The following CSMD1 variants were observed in gnomAD, a reference collection of about 807,000 sequenced individuals.
CSMD1 encodes CUB and sushi domain-containing protein 1.
Under a neutral mutation model 417.5 loss-of-function variants are expected in CSMD1, and 213 were observed. That is an observed-to-expected ratio of 0.51 (90% confidence interval 0.46 to 0.57). The LOEUF is 0.57. Ranked by LOEUF, CSMD1 falls within the 20% of genes least tolerant of loss-of-function variation. CSMD1 has a pLI of 0.00. For synonymous variants in CSMD1, 2,862 were observed against 1,736.8 expected (o/e 1.65, Z -16.11); for missense variants, 6,923 against 4,529.7 (o/e 1.53, Z -15.17).
chr8:3,037,446 G>A (rs959570046), intron 50 of CSMD1, among the ~76,000 whole-genome samples: 16 of 152,120 alleles, frequency 1.1e-4, no homozygotes, highest in Admixed American at 1.0e-3. Flanking sequence ...CTGACCTCGT[G>A]ATCCGCCCGC....
chr8:3,753,820 A>C, intron 6 of CSMD1, 110 bp downstream of exon 6: 2 of 673,132 alleles, frequency 3.0e-6, no homozygotes, highest in Non-Finnish European at 4.9e-6. Flanking sequence ...TAAAAGAATT[A>C]GAAACCATTT....
At chr8:3,041,772 GC>G (rs1776347916) in intron 50 of CSMD1, among the ~76,000 whole-genome samples, 1 of 151,770 alleles carries the variant, frequency 6.6e-6, no homozygotes, top group Admixed American at 6.6e-5. Flanking sequence ...ACACAGCACA[GC>G]GTTTTTGCCA....
chr8:4,778,125 T>C (rs1030674180), intron 1 of CSMD1, among the ~76,000 whole-genome samples: 5 of 152,182 alleles, frequency 3.3e-5, no homozygotes, highest in African/African-American at 1.2e-4. Context: ...AAATACAGTT[T>C]ATGTATAAAT....
chr8:4,579,680 G>T (rs1404539034), intron 2 of CSMD1, among the ~76,000 whole-genome samples: 1 of 151,924 alleles, frequency 6.6e-6, no homozygotes, highest in Non-Finnish European at 1.5e-5. Flanking sequence ...ATATTTTAAG[G>T]ATACTTCTGA....
chr8:4,289,543 G>C (rs1797245164), intron 3 of CSMD1, among the ~76,000 whole-genome samples: 1 of 152,274 alleles, frequency 6.6e-6, no homozygotes, highest in African/African-American at 2.4e-5. Flanking sequence ...TTTCAGATCT[G>C]ACACGTGTCT....
chr8:4,621,129 T>C (rs1801756962), intron 2 of CSMD1, among the ~76,000 whole-genome samples: 3 of 152,062 alleles, frequency 2.0e-5, no homozygotes, highest in Non-Finnish European at 4.4e-5. Context: ...ACCAGACGTA[T>C]TTCAGATTTG....
chr8:3,776,823 T>TAC (rs1774357087), intron 5 of CSMD1, among the ~76,000 whole-genome samples: 1 of 151,156 alleles, frequency 6.6e-6, no homozygotes, highest in Admixed American at 6.6e-5. Flanking sequence ...TATATATATA[T>TAC]ACAGATGACA....
At chr8:3,173,006 G>C (rs955947776) in intron 37 of CSMD1, among the ~76,000 whole-genome samples, 4 of 152,094 alleles carry the variant, frequency 2.6e-5, no homozygotes, top group Admixed American at 1.3e-4. Context: ...AGTGATTGTA[G>C]GATAAGTCCA....
At chr8:3,766,877 T>C (rs1798299081) in intron 5 of CSMD1, among the ~76,000 whole-genome samples, 1 of 152,158 alleles carries the variant, frequency 6.6e-6, no homozygotes, top group East Asian at 1.9e-4. Context: ...ATTTCTTATA[T>C]CACTTGATAG....
chr8:4,553,157 T>C (rs914211119), intron 2 of CSMD1, among the ~76,000 whole-genome samples: 2 of 152,222 alleles, frequency 1.3e-5, no homozygotes, highest in African/African-American at 4.8e-5. Context: ...ACTGTTGCTT[T>C]GTACGTTTTC....
At chr8:4,037,602 G>C (rs1240947969) in intron 3 of CSMD1, among the ~76,000 whole-genome samples, 1 of 93,190 alleles carries the variant, frequency 1.1e-5, no homozygotes, top group Non-Finnish European at 2.1e-5. Context: ...ATGGAAAGGA[G>C]AATGGACTTT....
chr8:4,634,069 T>G (rs1044750503), intron 2 of CSMD1, among the ~76,000 whole-genome samples: 2 of 152,088 alleles, frequency 1.3e-5, no homozygotes, highest in African/African-American at 4.8e-5. Flanking sequence ...ATTTTGAATT[T>G]TGAGTCCAAA....
chr8:3,037,290 C>CCATCTCCTGGGTT (rs1373423838), intron 50 of CSMD1, among the ~76,000 whole-genome samples: 28,324 of 143,706 alleles, frequency 0.2, 3,469 homozygotes, highest in Non-Finnish European at 0.26. Flanking sequence ...ACTGCAAGCT[C>CCATCTCCTGGGTT]CGCCTCCTGG....
At chr8:3,049,641 C>T (rs562397168) in intron 50 of CSMD1, among the ~76,000 whole-genome samples, 5 of 152,088 alleles carry the variant, frequency 3.3e-5, no homozygotes, top group Admixed American at 2.6e-4. Flanking sequence ...TCACTTTAGG[C>T]GTGAATGGGT....
chr8:4,434,301 G>T (rs543513521), intron 2 of CSMD1, among the ~76,000 whole-genome samples: 10 of 152,294 alleles, frequency 6.6e-5, no homozygotes, highest in African/African-American at 2.4e-4. Flanking sequence ...TGGAGATGGA[G>T]GTTGCAGTGA....
intron 3 of CSMD1, among the ~76,000 whole-genome samples, chr8:4,254,558 C>T (rs1408619138): frequency 1.3e-5 from 2 of 152,112 alleles, no homozygotes; most frequent in Admixed American, 1.3e-4. Flanking sequence ...CAGTAGTGTA[C>T]AGTCATGTCC....
At chr8:3,810,997 T>C (rs1441144567) in intron 5 of CSMD1, among the ~76,000 whole-genome samples, 1 of 152,228 alleles carries the variant, frequency 6.6e-6, no homozygotes, top group Admixed American at 6.5e-5. Context: ...AAGCTATGAA[T>C]TAACACTGTT....
At chr8:3,515,144 G>C (rs771749271) in intron 10 of CSMD1, 6 of 152,086 alleles carry the variant, frequency 3.9e-5, no homozygotes, top group Non-Finnish European at 8.8e-5. Context: ...GAATACATGC[G>C]AAGGATCAAG....
chr8:4,764,468 C>T (rs59018571), intron 1 of CSMD1, among the ~76,000 whole-genome samples: 1 of 152,072 alleles, frequency 6.6e-6, no homozygotes, highest in African/African-American at 2.4e-5. Context: ...CGTCTGTATT[C>T]TTAAAAGTAT....
Sources: allele counts gnomAD v4.1 joint callset (sites outside exome capture counted in the v4.1 genomes callset), GRCh38; gene constraint gnomAD v4.1.1; transcripts MANE v1.5; gene names NCBI Gene and HGNC (gene_info 2026-07-23, HGNC 2026-07-21).